The following CSTPP1 variants were observed in gnomAD, a reference collection of about 807,000 sequenced individuals.
CSTPP1 encodes the protein centriolar satellite-associated tubulin polyglutamylase complex regulator 1.
At chr11:46,987,213 C>A in the CSTPP1 span, 4 of 1,613,788 alleles carry the variant, frequency 2.5e-6, no homozygotes, top group African/African-American at 1.3e-5. Flanking sequence ...TGCAGCTCAG[C>A]GACATGTCCT....
At chr11:47,062,295 AT>A in the CSTPP1 span, among the ~76,000 whole-genome samples, 1 of 152,140 alleles carries the variant, frequency 6.6e-6, no homozygotes, top group African/African-American at 2.4e-5. Flanking sequence ...CAGGTGAATG[AT>A]TTTTTTGTTA....
At chr11:47,164,195 A>G in the CSTPP1 span, 1 of 1,613,732 alleles carries the variant, frequency 6.2e-7, no homozygotes, top group Non-Finnish European at 8.5e-7. Flanking sequence ...CCCTGGAGAG[A>G]GTGTCCTCAG....
chr11:47,132,363 G>GCTAA, the CSTPP1 span, among the ~76,000 whole-genome samples: 2 of 152,198 alleles, frequency 1.3e-5, no homozygotes, highest in Admixed American at 1.3e-4. Flanking sequence ...GATTGCTTTA[G>GCTAA]CTAAGTTCAA....
chr11:46,988,876 A>C, the CSTPP1 span, among the ~76,000 whole-genome samples: 2 of 152,264 alleles, frequency 1.3e-5, no homozygotes, highest in East Asian at 1.9e-4. Flanking sequence ...TTAGAACTTA[A>C]AAAAATTTTT....
chr11:47,156,645 C>CA, the CSTPP1 span, among the ~76,000 whole-genome samples: 2 of 152,148 alleles, frequency 1.3e-5, no homozygotes, highest in Admixed American at 6.5e-5. Flanking sequence ...GAGAGGCCAA[C>CA]AAGGCATGAC....
chr11:47,079,232 G>A, the CSTPP1 span, among the ~76,000 whole-genome samples: 3 of 152,184 alleles, frequency 2.0e-5, no homozygotes, highest in African/African-American at 7.2e-5. Flanking sequence ...ATCTGTAGCT[G>A]CATGGACATC....
the CSTPP1 span, among the ~76,000 whole-genome samples, chr11:47,149,158 C>T: frequency 4.6e-5 from 7 of 152,340 alleles, no homozygotes; most frequent in East Asian, 1.3e-3. Flanking sequence ...CATGGTTCTG[C>T]TCAGCACAGC....
the CSTPP1 span, among the ~76,000 whole-genome samples, chr11:47,015,646 A>G: frequency 6.6e-6 from 1 of 152,108 alleles, no homozygotes; most frequent in East Asian, 1.9e-4. Context: ...TCTGAACTCA[A>G]TCTAGGAGAC....
At chr11:46,972,024 A>G in the CSTPP1 span, among the ~76,000 whole-genome samples, 1 of 152,230 alleles carries the variant, frequency 6.6e-6, no homozygotes, top group African/African-American at 2.4e-5. Flanking sequence ...TGAAATTAAA[A>G]GTAAAGTTTC....
the CSTPP1 span, chr11:47,156,898 A>G: frequency 1.1e-6 from 1 of 912,698 alleles, no homozygotes; most frequent in East Asian, 2.7e-5. Flanking sequence ...TCAGGACACC[A>G]TGCCCTGAGC....
the CSTPP1 span, among the ~76,000 whole-genome samples, chr11:47,060,246 CTCTTT>C: frequency 4.9e-5 from 7 of 143,344 alleles, no homozygotes; most frequent in African/African-American, 1.3e-4. Flanking sequence ...CACATTCTTT[CTCTTT>C]TCTTTTCTTT....
At chr11:47,096,324 C>T in the CSTPP1 span, among the ~76,000 whole-genome samples, 1 of 152,078 alleles carries the variant, frequency 6.6e-6, no homozygotes, top group South Asian at 2.1e-4. Flanking sequence ...GAAACCGTAC[C>T]CATTAAACAA....
chr11:47,038,290 C>T, the CSTPP1 span, among the ~76,000 whole-genome samples: 333 of 86,496 alleles, frequency 3.8e-3, 1 homozygote, highest in Non-Finnish European at 4.8e-3. Context: ...CTGACCCCCC[C>T]ACCTCCCTCC....
At chr11:47,018,171 T>C in the CSTPP1 span, among the ~76,000 whole-genome samples, 4 of 152,246 alleles carry the variant, frequency 2.6e-5, no homozygotes, top group South Asian at 6.2e-4. Flanking sequence ...TTGGCAATTA[T>C]GAATAGAGTT....
At chr11:47,123,764 GCCGAGGTGGGTGGATCA>G in the CSTPP1 span, among the ~76,000 whole-genome samples, 1 of 152,196 alleles carries the variant, frequency 6.6e-6, no homozygotes, top group Non-Finnish European at 1.5e-5. Context: ...ACTTTGAGAG[GCCGAGGTGGGTGGATCA>G]CCTGAGGTCA....
the CSTPP1 span, among the ~76,000 whole-genome samples, chr11:47,098,282 G>A: frequency 7.2e-6 from 1 of 138,474 alleles, no homozygotes; most frequent in Non-Finnish European, 1.6e-5. Flanking sequence ...CCCTCTGTGA[G>A]AAACACCCAA....
chr11:47,124,159 C>T, the CSTPP1 span, among the ~76,000 whole-genome samples: 2 of 109,064 alleles, frequency 1.8e-5, no homozygotes, highest in African/African-American at 7.3e-5. Context: ...AGGCTCGTTC[C>T]GTCACCCAGG....
chr11:47,157,368 C>T, the CSTPP1 span: 2 of 888,798 alleles, frequency 2.3e-6, no homozygotes, highest in Non-Finnish European at 3.3e-6. Context: ...GCCCCCAAAC[C>T]AGTTGTTGAC....
At chr11:47,028,432 A>C in the CSTPP1 span, among the ~76,000 whole-genome samples, 1 of 152,202 alleles carries the variant, frequency 6.6e-6, no homozygotes, top group African/African-American at 2.4e-5. Context: ...CAATAGAATA[A>C]TAGATAACAA....
Sources: gnomAD v4.1 joint callset for allele counts (sites outside exome capture counted in the v4.1 genomes callset) on GRCh38, gnomAD v4.1.1 for gene constraint, MANE v1.5 for transcripts, NCBI Gene and HGNC (gene_info 2026-07-23, HGNC 2026-07-21) for gene names.